Variants in HS3ST5 observed in about 807,000 individuals in gnomAD.
HS3ST5 encodes heparan sulfate glucosamine 3-O-sulfotransferase 5.
HS3ST5 carries 10 observed loss-of-function variants against 25.4 expected under a neutral mutation model. That is an observed-to-expected ratio of 0.39 (90% CI 0.24 to 0.67). The LOEUF (loss-of-function observed/expected upper bound fraction) is 0.67. Ranked by LOEUF, HS3ST5 falls within the 30% of genes least tolerant of loss-of-function variation. The pLI, the probability that HS3ST5 is intolerant of heterozygous loss-of-function variation, is 0.44. For missense variants in HS3ST5, 324 were observed against 420.7 expected (o/e 0.77, Z 2.01); for synonymous variants, 170 against 162.4 (o/e 1.05, Z -0.36).
At chr6:114,104,490 G>T (rs1418671691) in intron 3 of HS3ST5, among the ~76,000 whole-genome samples, 1 of 152,188 alleles carries the variant, frequency 6.6e-6, no homozygotes, top group Non-Finnish European at 1.5e-5. Flanking sequence ...TCCCTGGACT[G>T]TCTTAGATCC....
intron 1 of HS3ST5, among the ~76,000 whole-genome samples, chr6:114,338,057 A>G (rs1776676299): frequency 6.6e-6 from 1 of 152,106 alleles, no homozygotes; most frequent in Non-Finnish European, 1.5e-5. Context: ...TGTCAGGCAC[A>G]TAATAAAATT....
intron 1 of HS3ST5, among the ~76,000 whole-genome samples, chr6:114,252,870 T>C (rs974267028): frequency 2.6e-5 from 4 of 152,146 alleles, no homozygotes; most frequent in Admixed American, 2.6e-4. Flanking sequence ...CAATTTTAAA[T>C]TTCCTGGTAA....
At chr6:114,181,556 T>C (rs1328854470) in intron 2 of HS3ST5, among the ~76,000 whole-genome samples, 1 of 152,220 alleles carries the variant, frequency 6.6e-6, no homozygotes, top group Non-Finnish European at 1.5e-5. Flanking sequence ...GACCTAGTTA[T>C]TATAAAGCTT....
At chr6:114,166,920 T>C (rs1332070967) in intron 3 of HS3ST5, among the ~76,000 whole-genome samples, 1 of 152,246 alleles carries the variant, frequency 6.6e-6, no homozygotes, top group African/African-American at 2.4e-5. Flanking sequence ...ATCTTCTGAT[T>C]ATTTTTTAAT....
At chr6:114,112,112 C>T (rs1426856489) in intron 3 of HS3ST5, among the ~76,000 whole-genome samples, 1 of 152,152 alleles carries the variant, frequency 6.6e-6, no homozygotes, top group Non-Finnish European at 1.5e-5. Context: ...GTGAGCTGGG[C>T]AGAATAATGG....
chr6:114,193,630 A>G (rs1780606519), intron 2 of HS3ST5, among the ~76,000 whole-genome samples: 1 of 152,192 alleles, frequency 6.6e-6, no homozygotes, highest in Non-Finnish European at 1.5e-5. Flanking sequence ...AACAGTACCT[A>G]AACTGTAGGG....
intron 2 of HS3ST5, among the ~76,000 whole-genome samples, chr6:114,223,038 G>A (rs1395822997): frequency 2.0e-5 from 3 of 151,604 alleles, no homozygotes; most frequent in Non-Finnish European, 4.4e-5. Flanking sequence ...AAATTAGAAA[G>A]AATGTGCAAG....
At chr6:114,261,776 G>A (rs1773184103) in intron 1 of HS3ST5, among the ~76,000 whole-genome samples, 2 of 152,174 alleles carry the variant, frequency 1.3e-5, no homozygotes, top group Non-Finnish European at 2.9e-5. Flanking sequence ...GAAGGACAAA[G>A]CCTCCTCCAG....
chr6:114,139,745 T>C (rs1416926121), intron 3 of HS3ST5, among the ~76,000 whole-genome samples: 1 of 152,202 alleles, frequency 6.6e-6, no homozygotes, highest in African/African-American at 2.4e-5. Context: ...TGGAGCAGTA[T>C]GTGGCATGAA....
At position 114,225,877 on chromosome 6, in the gene HS3ST5, T is replaced by C. The variant is rs571444693; in HGVS notation, c.-145+2708A>G. Among the ~76,000 whole-genome samples, 381 of 152,068 alleles carry C rather than the reference T, an allele frequency of 2.5e-3. 5 individuals are homozygous for C. Among genetic ancestry groups the C allele is most frequent in the African/African-American group, 8.8e-3 (366 of 41,552 alleles). ...ACCCCAAACTCTGTAAACCATCATC[T>C]TGAAGTAAAATTACACAGCTTATGC... On this transcript the variant is annotated intron_variant, in intron 2 of 4. Transcript: ENST00000312719.
chr6:114,233,709 G>A (rs182170251), intron 1 of HS3ST5, among the ~76,000 whole-genome samples: 2 of 152,250 alleles, frequency 1.3e-5, no homozygotes, highest in Admixed American at 6.5e-5. Flanking sequence ...ACTAAGAGCT[G>A]AAGTCTTTTG....
intron 2 of HS3ST5, among the ~76,000 whole-genome samples, chr6:114,218,007 CT>C (rs1230435399): frequency 6.6e-6 from 1 of 151,754 alleles, no homozygotes; most frequent in Non-Finnish European, 1.5e-5. Flanking sequence ...TTCTTTTCTT[CT>C]TTTTTTTGAG....
intron 3 of HS3ST5, among the ~76,000 whole-genome samples, chr6:114,109,443 G>C (rs1017795709): frequency 6.6e-6 from 1 of 152,138 alleles, no homozygotes; most frequent in African/African-American, 2.4e-5. Flanking sequence ...TGTTCAGTGG[G>C]ACCAAGAATT....
At position 114,101,460 on chromosome 6, in the gene HS3ST5, A is replaced by G. The variant is rs149243504; in HGVS notation, c.-32-38583T>C. 3.6e-3 allele frequency among the ~76,000 whole-genome samples: 546 copies of G among 152,294 alleles called. 4 individuals are homozygous for G. The highest frequency in any genetic ancestry group is 0.013 in the African/African-American group (535 of 41,562). ...GTTAAAAAATTTTGAAGAATGATGT[A>G]ATTGAGGACAGAGTGCCCCTTTTGT... is the stretch of plus-strand genomic sequence containing the variant. On this transcript the variant is annotated intron_variant, in intron 3 of 4. Transcript: ENST00000312719.
chr6:114,263,999 T>C (rs1235316204), intron 1 of HS3ST5, among the ~76,000 whole-genome samples: 3 of 151,990 alleles, frequency 2.0e-5, no homozygotes, highest in African/African-American at 4.8e-5. Flanking sequence ...CCCAAAAGAC[T>C]CACTATCAGC....
At chr6:114,083,608 T>C (rs2114770769) in intron 3 of HS3ST5, among the ~76,000 whole-genome samples, 1 of 152,366 alleles carries the variant, frequency 6.6e-6, no homozygotes, top group South Asian at 2.1e-4. Context: ...TTTCACTTTT[T>C]CCACTTTTAA....
At chr6:114,115,359 G>T (rs1776468354) in intron 3 of HS3ST5, among the ~76,000 whole-genome samples, 1 of 152,090 alleles carries the variant, frequency 6.6e-6, no homozygotes, top group Non-Finnish European at 1.5e-5. Flanking sequence ...CTAGCATGAA[G>T]TTAGCAGTCT....
At chr6:114,189,541 A>T (rs1334549082) in intron 2 of HS3ST5, among the ~76,000 whole-genome samples, 1 of 151,986 alleles carries the variant, frequency 6.6e-6, no homozygotes, top group Non-Finnish European at 1.5e-5. Context: ...GCTATTTTCC[A>T]TCTCTTTATT....
At chr6:114,118,362 C>T (rs1312188422) in intron 3 of HS3ST5, among the ~76,000 whole-genome samples, 1 of 152,152 alleles carries the variant, frequency 6.6e-6, no homozygotes, top group African/African-American at 2.4e-5. Context: ...AGAAGAGACA[C>T]AAGGGCAAAT....
Sources: gnomAD v4.1 joint callset for allele counts (sites outside exome capture counted in the v4.1 genomes callset) on GRCh38, gnomAD v4.1.1 for gene constraint, MANE v1.5 for transcripts, NCBI Gene and HGNC (gene_info 2026-07-23, HGNC 2026-07-21) for gene names.